SOX5: variants seen among roughly 807,000 people sequenced by gnomAD.
The protein encoded by SOX5 is transcription factor SOX-5.
A neutral mutation model predicts 92.0 loss-of-function variants in SOX5; 9 were observed. The observed-to-expected ratio is 0.10, with a 90% CI of 0.06 to 0.17. The LOEUF (loss-of-function observed/expected upper bound fraction) is 0.17. Ranked by LOEUF, SOX5 falls within the 10% of genes least tolerant of loss-of-function variation. The probability of loss-of-function intolerance (pLI) is 1.00; values close to 1 mark genes in which losing one functional copy is unlikely to be tolerated. For missense variants in SOX5, 642 were observed against 944.5 expected, an observed-to-expected ratio of 0.68 and a Z score of 4.20; for synonymous variants, 344 against 336.3, an observed-to-expected ratio of 1.02 and a Z score of -0.25.
intron 4 of SOX5, among the ~76,000 whole-genome samples, chr12:24,103,354 CTT>C (rs5797063): frequency 0.073 from 10,937 of 148,864 alleles, 540 homozygotes; most frequent in African/African-American, 0.13. Flanking sequence ...TTCTCAATAT[CTT>C]TTTTTTTTTT....
At chr12:24,353,860 T>TG (rs1259185294) in intron 2 of SOX5, among the ~76,000 whole-genome samples, 1 of 152,074 alleles carries the variant, frequency 6.6e-6, no homozygotes, top group African/African-American at 2.4e-5. Context: ...AGTCTGGTCT[T>TG]GAACTCCTGA....
intron 4 of SOX5, among the ~76,000 whole-genome samples, chr12:24,188,115 A>G (rs1956190722): frequency 6.6e-6 from 1 of 152,176 alleles, no homozygotes; most frequent in Admixed American, 6.6e-5. Flanking sequence ...TATGATCAAA[A>G]GCTGGGAGTG....
intron 3 of SOX5, among the ~76,000 whole-genome samples, chr12:23,842,378 T>G (rs530685885): frequency 1.3e-5 from 2 of 152,242 alleles, no homozygotes; most frequent in African/African-American, 4.8e-5. Flanking sequence ...TAGTAAGAAC[T>G]CATGTTCAGC....
chr12:23,577,653 T>C (rs1949380657), intron 9 of SOX5, among the ~76,000 whole-genome samples: 1 of 152,030 alleles, frequency 6.6e-6, no homozygotes. Flanking sequence ...AAAAAAAAAT[T>C]GAAAATTCAT....
rs536482068 is a variant in SOX5 at position 23,715,431 on chromosome 12, C to A, written c.810+19253G>T. 6.6e-5 allele frequency among the ~76,000 whole-genome samples: 10 copies of A among 152,200 alleles called. No individual in the cohort carries two copies. The South Asian group carries it at 2.1e-3, about 32-fold the overall frequency. Reference sequence around the variant, plus strand: ...TGACTCAGTATGCAGTAAATGCTAACAAATAGAGAAACTTAATGTTTAAAA... The same window carrying A: ...TGACTCAGTATGCAGTAAATGCTAAAAAATAGAGAAACTTAATGTTTAAAA... On this transcript the variant is annotated intron_variant, in intron 6 of 14. Coordinates refer to ENST00000451604, the MANE Select transcript of SOX5 (RefSeq NM_006940.6).
intron 2 of SOX5, among the ~76,000 whole-genome samples, chr12:23,869,365 G>T (rs1032125877): frequency 6.6e-6 from 1 of 151,944 alleles, no homozygotes; most frequent in Admixed American, 6.6e-5. Context: ...CCCTCACTTT[G>T]CTTGGAATAT....
At chr12:24,151,992 A>C (rs186899279) in intron 4 of SOX5, among the ~76,000 whole-genome samples, 192 of 152,276 alleles carry the variant, frequency 1.3e-3, no homozygotes, top group Non-Finnish European at 2.3e-3. Context: ...AGCAAAGAAA[A>C]TGTCTCATTG....
intron 3 of SOX5, among the ~76,000 whole-genome samples, chr12:24,254,755 A>T (rs1940857538): frequency 6.6e-6 from 1 of 151,088 alleles, no homozygotes; most frequent in Non-Finnish European, 1.5e-5. Flanking sequence ...TGACTTTTTC[A>T]ATGATAATTC....
At chr12:23,955,436 T>C (rs1322948644), upstream of SOX5, among the ~76,000 whole-genome samples, 1 of 152,208 alleles carries the variant, frequency 6.6e-6, no homozygotes, top group African/African-American at 2.4e-5. Flanking sequence ...AAAATAGGTT[T>C]CCTTGCCTAA....
At chr12:23,718,306 T>A (rs1295791271) in intron 6 of SOX5, among the ~76,000 whole-genome samples, 1 of 152,212 alleles carries the variant, frequency 6.6e-6, no homozygotes, top group Non-Finnish European at 1.5e-5. Context: ...TCAGTGAAAA[T>A]AAATTTAAAT....
At chr12:23,995,996 C>T (rs547598597) in intron 4 of SOX5, among the ~76,000 whole-genome samples, 7 of 152,272 alleles carry the variant, frequency 4.6e-5, no homozygotes, top group Admixed American at 6.5e-5. Flanking sequence ...TAGACAAAAT[C>T]ATTTTCTCAA....
intron 3 of SOX5, among the ~76,000 whole-genome samples, chr12:23,801,097 T>C (rs984916139): frequency 4.6e-5 from 7 of 152,284 alleles, no homozygotes; most frequent in Middle Eastern, 3.4e-3. Context: ...ATACTACGAA[T>C]AGGAAGTCTT....
chr12:24,347,231 T>G (rs1953410535), intron 2 of SOX5, among the ~76,000 whole-genome samples: 1 of 152,180 alleles, frequency 6.6e-6, no homozygotes, highest in Non-Finnish European at 1.5e-5. Context: ...GTACAGGCAT[T>G]GTATTTGCTA....
chr12:24,230,442 T>C (rs1436647327), intron 3 of SOX5: 2 of 152,132 alleles, frequency 1.3e-5, no homozygotes, highest in Non-Finnish European at 2.9e-5. Context: ...TCTTTTTCCG[T>C]GGTTCCTGTC....
intron 3 of SOX5, among the ~76,000 whole-genome samples, chr12:23,787,868 C>G (rs1318492520): frequency 6.6e-6 from 1 of 151,772 alleles, no homozygotes; most frequent in Admixed American, 6.6e-5. Context: ...TACACATCAA[C>G]TTTAGCAGAG....
At chr12:23,560,143 T>C (rs1282884939) in intron 11 of SOX5, among the ~76,000 whole-genome samples, 1 of 152,134 alleles carries the variant, frequency 6.6e-6, no homozygotes, top group Non-Finnish European at 1.5e-5. Flanking sequence ...GCTCCTGACC[T>C]CGTGATCCCC....
chr12:23,622,144 T>C (rs1326477066), intron 8 of SOX5, among the ~76,000 whole-genome samples: 2 of 152,088 alleles, frequency 1.3e-5, no homozygotes, highest in East Asian at 3.9e-4. Flanking sequence ...TCAAACACCA[T>C]GGCAGCACTT....
At chr12:23,720,533 A>G (rs965328551) in intron 6 of SOX5, among the ~76,000 whole-genome samples, 4 of 152,142 alleles carry the variant, frequency 2.6e-5, no homozygotes, top group Non-Finnish European at 2.9e-5. Flanking sequence ...GTTAGTTCAC[A>G]AATCCCAATG....
At chr12:23,700,911 G>A (rs1437944671) in intron 6 of SOX5, among the ~76,000 whole-genome samples, 2 of 150,926 alleles carry the variant, frequency 1.3e-5, no homozygotes, top group African/African-American at 2.4e-5. Context: ...ATATGTATGT[G>A]TATATATATA....
Sources: allele counts gnomAD v4.1 joint callset (sites outside exome capture counted in the v4.1 genomes callset), GRCh38; gene constraint gnomAD v4.1.1; transcripts MANE v1.5; gene names NCBI Gene and HGNC (gene_info 2026-07-23, HGNC 2026-07-21).